The following MAF variants were observed in gnomAD, a reference collection of about 807,000 sequenced individuals.
MAF encodes MAF bZIP transcription factor.
Under a neutral mutation model 22.0 loss-of-function variants are expected in MAF, and 10 were observed. That is an observed-to-expected ratio of 0.45 (90% CI 0.28 to 0.77). The LOEUF is 0.77. MAF is among the 30% of genes least tolerant of loss of function. The probability of loss-of-function intolerance (pLI) is 0.12; values close to 1 mark genes in which losing one functional copy is unlikely to be tolerated. For missense variants in MAF, 544 were observed against 548.4 expected (o/e 0.99, Z 0.08); for synonymous variants, 337 against 255.8 (o/e 1.32, Z -3.03).
the MAF span, among the ~76,000 whole-genome samples, chr16:79,215,078 A>G: frequency 2.0e-5 from 3 of 152,096 alleles, no homozygotes; most frequent in Non-Finnish European, 4.4e-5. Context: ...TACTGATGAA[A>G]AAGCTGAGGC....
At chr16:79,586,405 A>G (rs971162749) in intron 1 of MAF, among the ~76,000 whole-genome samples, 1 of 152,188 alleles carries the variant, frequency 6.6e-6, no homozygotes, top group Non-Finnish European at 1.5e-5. Context: ...CTTCTCTTCC[A>G]TCTGCCCCCA....
At chr16:79,286,002 C>G in the MAF span, among the ~76,000 whole-genome samples, 2 of 152,148 alleles carry the variant, frequency 1.3e-5, no homozygotes, top group African/African-American at 2.4e-5. Context: ...TGTTTAAACC[C>G]TGGCCCTACC....
chr16:79,336,632 G>A, the MAF span, among the ~76,000 whole-genome samples: 1 of 151,998 alleles, frequency 6.6e-6, no homozygotes, highest in African/African-American at 2.4e-5. Flanking sequence ...GGTTAAGAAG[G>A]GACAACACAG....
At chr16:79,583,756 T>C (rs982856099), downstream of MAF, among the ~76,000 whole-genome samples, 6 of 149,700 alleles carry the variant, frequency 4.0e-5, no homozygotes, top group Non-Finnish European at 9.0e-5. Context: ...AAAAGCCACC[T>C]TTAGCGCGAG....
the MAF span, among the ~76,000 whole-genome samples, chr16:79,269,714 G>T: frequency 6.6e-6 from 1 of 152,176 alleles, no homozygotes. Context: ...GTCGGGGGCT[G>T]TCCCTGCCTC....
chr16:79,400,750 G>A, the MAF span, among the ~76,000 whole-genome samples: 1,936 of 152,370 alleles, frequency 0.013, 47 homozygotes, highest in African/African-American at 0.044. Context: ...GGAGGCAGGA[G>A]CCAGGACTCC....
chr16:79,393,345 G>A, the MAF span, among the ~76,000 whole-genome samples: 1 of 152,176 alleles, frequency 6.6e-6, no homozygotes, highest in Non-Finnish European at 1.5e-5. Context: ...CATGGTTGGC[G>A]AATAGCCAGG....
the MAF span, among the ~76,000 whole-genome samples, chr16:79,338,373 T>C: frequency 2.6e-5 from 4 of 152,210 alleles, no homozygotes; most frequent in African/African-American, 9.6e-5. Flanking sequence ...AGTATTATTC[T>C]GTAAGGGAGT....
At chr16:79,286,000 C>T in the MAF span, among the ~76,000 whole-genome samples, 1 of 152,224 alleles carries the variant, frequency 6.6e-6, no homozygotes, top group African/African-American at 2.4e-5. Flanking sequence ...TGTGTTTAAA[C>T]CCTGGCCCTA....
chr16:79,388,146 T>C, the MAF span, among the ~76,000 whole-genome samples: 1 of 152,222 alleles, frequency 6.6e-6, no homozygotes, highest in Admixed American at 6.5e-5. Flanking sequence ...GTATGCAAGA[T>C]GTATGAAGAA....
At chr16:79,558,663 C>T in the MAF span, among the ~76,000 whole-genome samples, 1 of 152,146 alleles carries the variant, frequency 6.6e-6, no homozygotes, top group African/African-American at 2.4e-5. Context: ...GGAACTCAGT[C>T]CCAGGCCCTG....
chr16:79,218,985 G>A, the MAF span, among the ~76,000 whole-genome samples: 1 of 152,150 alleles, frequency 6.6e-6, no homozygotes, highest in Non-Finnish European at 1.5e-5. Context: ...TCCTTAGCTG[G>A]TTACTTCTTC....
At chr16:79,500,481 G>C in the MAF span, among the ~76,000 whole-genome samples, 1 of 152,150 alleles carries the variant, frequency 6.6e-6, no homozygotes, top group Non-Finnish European at 1.5e-5. Flanking sequence ...TACCCCAGTA[G>C]TTGCTTGTCA....
the MAF span, among the ~76,000 whole-genome samples, chr16:79,511,889 T>C: frequency 1.2e-4 from 18 of 152,268 alleles, no homozygotes; most frequent in African/African-American, 3.9e-4. Context: ...TCTGCTTCGG[T>C]CTGCAAACAT....
the MAF span, among the ~76,000 whole-genome samples, chr16:79,542,578 C>T: frequency 1.3e-5 from 2 of 152,194 alleles, no homozygotes; most frequent in African/African-American, 4.8e-5. Flanking sequence ...TCTTCCTTCC[C>T]CTCCAATCAG....
At chr16:79,567,241 C>A in the MAF span, among the ~76,000 whole-genome samples, 1 of 152,048 alleles carries the variant, frequency 6.6e-6, no homozygotes. Flanking sequence ...TCGCTTGAAC[C>A]CAGGAGACAG....
the MAF span, among the ~76,000 whole-genome samples, chr16:79,288,538 T>C: frequency 6.6e-6 from 1 of 152,178 alleles, no homozygotes; most frequent in African/African-American, 2.4e-5. Context: ...GAGCCCTGTG[T>C]GAATTCCTGA....
the MAF span, among the ~76,000 whole-genome samples, chr16:79,395,991 G>A: frequency 4.6e-4 from 70 of 152,282 alleles, 2 homozygotes; most frequent in East Asian, 8.3e-3. Flanking sequence ...CCTCAGTTCC[G>A]GCTCTCCAAG....
chr16:79,575,523 G>A, the MAF span, among the ~76,000 whole-genome samples: 1 of 152,190 alleles, frequency 6.6e-6, no homozygotes, highest in Admixed American at 6.5e-5. Flanking sequence ...GAGAATTGGA[G>A]CTTAGAGACT....
Sources: allele counts gnomAD v4.1 joint callset (sites outside exome capture counted in the v4.1 genomes callset), GRCh38; gene constraint gnomAD v4.1.1; transcripts MANE v1.5; gene names NCBI Gene and HGNC (gene_info 2026-07-23, HGNC 2026-07-21).